Variants in VPS13A observed in about 807,000 individuals in gnomAD.
VPS13A encodes intermembrane lipid transfer protein VPS13A.
Under a neutral mutation model 390.9 loss-of-function variants are expected in VPS13A, and 264 were observed. That is an observed-to-expected ratio of 0.68 (90% CI 0.61 to 0.75). VPS13A has a LOEUF of 0.75. VPS13A is among the 30% of genes least tolerant of loss of function. The pLI is 0.00. For missense variants in VPS13A, 3,409 were observed against 3,733.9 expected, an observed-to-expected ratio of 0.91 and a Z score of 2.27; for synonymous variants, 1,231 against 1,227.1, an observed-to-expected ratio of 1.00 and a Z score of -0.07.
chr9:77,264,905 C>A (rs1388181364), intron 23 of VPS13A, among the ~76,000 whole-genome samples: 2 of 152,134 alleles, frequency 1.3e-5, no homozygotes, highest in African/African-American at 2.4e-5. Flanking sequence ...CCAGTTTTTG[C>A]CCATTCAGTA....
Position 77,199,932 on chromosome 9 carries a change from T to A in VPS13A, c.101-13T>A, listed in dbSNP as rs1043664164. ...TATTTGATTGTTTGAATCTTTTTTT[T>A]AATCTTTTTTAGGAGCTGTGGCCCT... On this transcript the variant is annotated splice_polypyrimidine_tract_variant and intron_variant, in intron 1 of 71. Transcript: ENST00000360280. The A allele has an allele frequency of 1.3e-5, 20 of 1,596,464 alleles. No homozygotes were observed. Among genetic ancestry groups the A allele is most frequent in the Middle Eastern group, 3.6e-4 (2 of 5,564 alleles).
At chr9:77,319,718 T>G in intron 42 of VPS13A, 45 bp downstream of exon 42, 1 of 1,031,546 alleles carries the variant, frequency 9.7e-7, no homozygotes, top group South Asian at 1.8e-5. Context: ...ATATATGTAT[T>G]TTAAAAGACT....
chr9:77,189,130 G>GC (rs933976433), intron 1 of VPS13A, among the ~76,000 whole-genome samples: 4 of 126,888 alleles, frequency 3.2e-5, no homozygotes, highest in African/African-American at 9.8e-5. Flanking sequence ...GGTCCCACTT[G>GC]CCTTTTTTTT....
chr9:77,354,868 C>A (rs1831677708), intron 54 of VPS13A, among the ~76,000 whole-genome samples: 1 of 152,124 alleles, frequency 6.6e-6, no homozygotes, highest in Non-Finnish European at 1.5e-5. Context: ...GACATACTCT[C>A]AACAGTTTAC....
chr9:77,332,599 TAATTA>T (rs1280859984), intron 46 of VPS13A, among the ~76,000 whole-genome samples: 1 of 151,884 alleles, frequency 6.6e-6, no homozygotes, highest in Non-Finnish European at 1.5e-5. Flanking sequence ...ATTTTTAAAG[TAATTA>T]AATTTGATAC....
In VPS13A at chr9:77,372,588, C is replaced by CCT. The variant is rs540346772; in HGVS notation, c.9077+1445_9077+1446dup. Among the ~76,000 whole-genome samples the CCT allele has an allele frequency of 5.7e-3, 870 of 152,084 alleles. 11 individuals are homozygous for CCT. Among genetic ancestry groups the CCT allele is most frequent in the African/African-American group, 0.02 (839 of 41,452 alleles). On this transcript the variant is annotated intron_variant, in intron 67 of 71. Transcript: ENST00000360280. Reference sequence around the variant, plus strand: ...GAAAACTGGCACAAGACAGGGATGCCCTCTCTCACCACTCCTATTCAACAT... The same window carrying CCT: ...GAAAACTGGCACAAGACAGGGATGCCCTCTCTCTCACCACTCCTATTCAACAT...
In VPS13A at chr9:77,252,265, G is replaced by C. The variant is rs117320408; in HGVS notation, c.2201G>C (p.Ser734Thr). 2 of 1,613,876 alleles carry C rather than the reference G, an allele frequency of 1.2e-6. No individual in the cohort carries two copies. The highest frequency in any genetic ancestry group is 2.7e-5 in the African/African-American group (2 of 74,940). Residue 734 changes from serine (S) to threonine (T), a missense_variant, in exon 22 of 72, where the codon AGT (serine) becomes ACT (threonine). Ser to Thr is a moderately conservative substitution (Grantham distance 58, BLOSUM62 1). Around this residue, in one of 5 missense-constraint regions of VPS13A, gnomAD observed 2,717 missense variants for 2,917.4 expected, o/e 0.93. Transcript: ENST00000360280. ...AATTGGAGAGAAGCACGAAAACTCA[G>C]TGTATCTACCCAGCATATTTTGGTA... Reference protein sequence around the residue: ...GDNWREARKLSVSTQHILVPM... With the variant: ...GDNWREARKLTVSTQHILVPM...
intron 3 of VPS13A, among the ~76,000 whole-genome samples, chr9:77,201,897 C>T (rs867629601): frequency 1.3e-5 from 2 of 151,992 alleles, no homozygotes; most frequent in Non-Finnish European, 2.9e-5. Flanking sequence ...CTGTTTATAT[C>T]TTAAATATAT....
intron 16 of VPS13A, 46 bp from the exon 17 acceptor site, chr9:77,228,074 TTA>T (rs34249411): frequency 8.4e-3 from 9,903 of 1,177,240 alleles, no homozygotes; most frequent in South Asian, 0.012. Flanking sequence ...TTTGTTATGC[TTA>T]TATATATATA....
intron 71 of VPS13A, among the ~76,000 whole-genome samples, chr9:77,409,484 G>A (rs1158507838): frequency 1.3e-5 from 2 of 152,180 alleles, no homozygotes; most frequent in African/African-American, 4.8e-5. Flanking sequence ...GAAGGCTTCA[G>A]ATGATCAAAC....
chr9:77,396,438 A>AT (rs1429931735), intron 68 of VPS13A, among the ~76,000 whole-genome samples: 1 of 152,178 alleles, frequency 6.6e-6, no homozygotes, highest in Non-Finnish European at 1.5e-5. Flanking sequence ...AGATTTGACC[A>AT]TATAGTCAGT....
At chr9:77,271,286 TAAG>T (rs1424195877) in intron 23 of VPS13A, among the ~76,000 whole-genome samples, 3 of 152,094 alleles carry the variant, frequency 2.0e-5, no homozygotes, top group African/African-American at 4.8e-5. Context: ...TGGCTAAAAA[TAAG>T]AAGAATGGCA....
intron 1 of VPS13A, among the ~76,000 whole-genome samples, chr9:77,192,473 C>T (rs574294772): frequency 3.3e-5 from 5 of 152,094 alleles, no homozygotes; most frequent in Admixed American, 1.3e-4. Flanking sequence ...CTGTGGTAGC[C>T]GGTAATGGTC....
chr9:77,249,123 C>A (rs1047617621), intron 20 of VPS13A, among the ~76,000 whole-genome samples: 1 of 152,058 alleles, frequency 6.6e-6, no homozygotes, highest in Non-Finnish European at 1.5e-5. Context: ...AGAGGAATAT[C>A]TATCACAATT....
chr9:77,416,011 GA>G lies in VPS13A; in HGVS notation c.*7del, dbSNP rs1463670715. The stretch of plus-strand genomic sequence containing the variant: ...GAACCTTCTCCGAGCCTCTGACAGA[GA>G]ACACTGCCTGAAGACACACAGCAAT... On this transcript the variant is annotated 3_prime_UTR_variant, in exon 72 of 72. Coordinates refer to ENST00000360280, the MANE Select transcript of VPS13A (RefSeq NM_033305.3). The G allele has an allele frequency of 6.2e-7, 1 of 1,613,314 alleles. No individual in the cohort carries two copies.
intron 23 of VPS13A, among the ~76,000 whole-genome samples, chr9:77,262,223 T>C (rs2131298704): frequency 6.6e-6 from 1 of 152,218 alleles, no homozygotes; most frequent in South Asian, 2.1e-4. Flanking sequence ...AAGCGTTTTA[T>C]TTTTTACATA....
chr9:77,344,231 A>T lies in VPS13A; in HGVS notation c.7105A>T (p.Ile2369Leu), dbSNP rs913985442. ...AAGGAGTGAAGATCCTCCCAAAAGG[A>T]TATATTTTAACAAGCAGGAAAATTG... Reference protein sequence around the residue: ...VERSEDPPKRIYFNKQENCIL... With the variant: ...VERSEDPPKRLYFNKQENCIL... Residue 2369 changes from isoleucine (I) to leucine (L), a missense_variant, in exon 51 of 72, where the codon ATA (isoleucine) becomes TTA (leucine). Coordinates refer to ENST00000360280, the MANE Select transcript of VPS13A (RefSeq NM_033305.3). The T allele has an allele frequency of 2.4e-5, 39 of 1,613,418 alleles. No homozygotes were observed. Among genetic ancestry groups the T allele is most frequent in the Non-Finnish European group, 3.2e-5 (38 of 1,179,676 alleles).
chr9:77,405,929 A>G lies in VPS13A; in HGVS notation c.9341A>G (p.Asp3114Gly). The G allele has an allele frequency of 6.2e-7, 1 of 1,613,934 alleles. No homozygotes were observed. The highest frequency in any genetic ancestry group is 1.3e-5 in the African/African-American group (1 of 75,044). The change falls in exon 70 of 72, where the codon GAT (aspartate) becomes GGT (glycine). Residue 3114 changes from aspartate to glycine, a missense_variant. Asp to Gly is a moderately conservative substitution (Grantham distance 94). Around this residue, in one of 5 missense-constraint regions of VPS13A, gnomAD observed 318 missense variants for 333.7 expected, o/e 0.95. Coordinates refer to ENST00000360280, the MANE Select transcript of VPS13A (RefSeq NM_033305.3). The stretch of plus-strand genomic sequence containing the variant: ...ACGTGTGAGTGGCAGTATAGTTTTG[A>G]TGAATTTACCAAAGAGCCATTCATT... Reference protein sequence around the residue: ...QLTCEWQYSFDEFTKEPFIVH... With the variant: ...QLTCEWQYSFGEFTKEPFIVH...
intron 71 of VPS13A, 120 bp downstream of exon 71, chr9:77,407,727 G>A: frequency 3.6e-6 from 3 of 837,398 alleles, no homozygotes; most frequent in Admixed American, 2.3e-5. Flanking sequence ...TTTTGCTTTT[G>A]TGTTTTGGCA....
Sources: allele counts gnomAD v4.1 joint callset (sites outside exome capture counted in the v4.1 genomes callset), GRCh38; gene constraint gnomAD v4.1.1; regional missense constraint gnomAD v4.1.1; transcripts MANE v1.5; gene names NCBI Gene and HGNC (gene_info 2026-07-23, HGNC 2026-07-21).